Variants in NCK2 observed in about 807,000 individuals in gnomAD.
NCK2 encodes the protein NCK adaptor protein 2, also known as cytoplasmic protein NCK2.
A neutral mutation model predicts 33.9 loss-of-function variants in NCK2; 16 were observed. The observed-to-expected ratio is 0.47, with a 90% CI of 0.32 to 0.72. The LOEUF (loss-of-function observed/expected upper bound fraction) is 0.72. Among genes scored for constraint, NCK2 ranks in the 30% least tolerant of loss-of-function variants. NCK2 has a pLI of 0.03. For synonymous variants in NCK2, 273 were observed against 239.9 expected (o/e 1.14, Z -1.27); for missense variants, 418 against 537.3 (o/e 0.78, Z 2.19).
chr2:105,801,370 C>T (rs929700239), intron 1 of NCK2, among the ~76,000 whole-genome samples: 8 of 152,152 alleles, frequency 5.3e-5, no homozygotes, highest in African/African-American at 1.7e-4. Context: ...TCCCCCCTTC[C>T]CCATGTCATC....
chr2:105,868,679 A>G (rs1359702147), intron 3 of NCK2, among the ~76,000 whole-genome samples: 1 of 152,158 alleles, frequency 6.6e-6, no homozygotes, highest in Non-Finnish European at 1.5e-5. Flanking sequence ...GTCCAAGAGG[A>G]CCACTTGATC....
chr2:105,807,602 G>C (rs780611626), intron 1 of NCK2, among the ~76,000 whole-genome samples: 2 of 152,126 alleles, frequency 1.3e-5, no homozygotes, highest in Non-Finnish European at 2.9e-5. Flanking sequence ...GCCTCTTGGA[G>C]TTGGAGTCAC....
chr2:105,855,286 C>T lies in NCK2; in HGVS notation c.223C>T (p.Leu75=). The stretch of plus-strand genomic sequence containing the variant: ...CCTCGTGAAGAACCTGAAGGACACA[C>T]TAGGTGAGTGTTTCACCCTCGAGAG... ...GSLVKNLKDT[L]GLGKTRRKTS... The change falls in exon 3 of 5, where the codon CTA becomes TTA. Residue 75 remains leucine, a synonymous_variant. Transcript: ENST00000233154. 6.3e-7 allele frequency: 1 copy of T among 1,595,280 alleles called. No homozygotes were observed. Among genetic ancestry groups the T allele is most frequent in the Non-Finnish European group, 8.6e-7 (1 of 1,168,486 alleles).
intron 2 of NCK2, among the ~76,000 whole-genome samples, chr2:105,830,572 C>T (rs149325301): frequency 0.013 from 1,905 of 151,958 alleles, 40 homozygotes; most frequent in African/African-American, 0.043. Context: ...ATACTCATTT[C>T]CTTTTCTGTG....
At chr2:105,857,813 T>C (rs1677342563) in intron 3 of NCK2, among the ~76,000 whole-genome samples, 1 of 152,200 alleles carries the variant, frequency 6.6e-6, no homozygotes, top group Non-Finnish European at 1.5e-5. Flanking sequence ...CAAAGGGATG[T>C]TGTTATCTCA....
intron 2 of NCK2, among the ~76,000 whole-genome samples, chr2:105,842,093 CT>C (rs1189979300): frequency 4.7e-4 from 69 of 145,624 alleles, no homozygotes; most frequent in Admixed American, 4.8e-4. Flanking sequence ...GGGTTTTTTT[CT>C]TTTTTTTTTT....
In NCK2 at chr2:105,892,986, G is replaced by A. The variant is rs577283510; in HGVS notation, c.953G>A (p.Ser318Asn). 3 of 1,605,944 alleles carry A rather than the reference G, an allele frequency of 1.9e-6. No individual in the cohort carries two copies. Among genetic ancestry groups the A allele is most frequent in the African/African-American group, 2.7e-5 (2 of 74,898 alleles). Residue 318 changes from serine (S) to asparagine (N), a missense_variant, in exon 5 of 5, where the codon AGC becomes AAC. Transcript: ENST00000233154. ...FLIRDSESSP[S>N]DFSVSLKASG... ...TGTGTTCTGTTTCCTCCCCAGCCCA[G>A]CGACTTCTCCGTGTCCCTTAAAGCG...
chr2:105,892,941 C>T (rs752670557), intron 4 of NCK2, 41 bp from the exon 5 acceptor site: 10 of 1,547,434 alleles, frequency 6.5e-6, no homozygotes, highest in African/African-American at 2.7e-5. Context: ...CACAGCTCCC[C>T]GCTGTGGCCC....
intron 3 of NCK2, 52 bp from the exon 4 acceptor site, chr2:105,881,276 T>C (rs1678465072): frequency 2.0e-6 from 3 of 1,534,214 alleles, no homozygotes; most frequent in Non-Finnish European, 2.6e-6. Context: ...GGCTAGGGAG[T>C]GTGGTGGTGC....
chr2:105,837,197 T>C (rs1676466668), intron 2 of NCK2, among the ~76,000 whole-genome samples: 1 of 152,208 alleles, frequency 6.6e-6, no homozygotes, highest in Non-Finnish European at 1.5e-5. Context: ...TATCTATTGT[T>C]TTAGTTCTTT....
At chr2:105,805,243 T>C (rs1674989040) in intron 1 of NCK2, among the ~76,000 whole-genome samples, 1 of 152,118 alleles carries the variant, frequency 6.6e-6, no homozygotes, top group South Asian at 2.1e-4. Context: ...GAAGCTGAGG[T>C]GCAAAGATGT....
chr2:105,835,405 A>ATGTG (rs70953537), intron 2 of NCK2, among the ~76,000 whole-genome samples: 1 of 37,984 alleles, frequency 2.6e-5, no homozygotes, highest in Non-Finnish European at 6.8e-5. Flanking sequence ...ATATATATAT[A>ATGTG]CGTGTATATA....
At chr2:105,877,992 T>C (rs545937688) in intron 3 of NCK2, among the ~76,000 whole-genome samples, 1 of 152,358 alleles carries the variant, frequency 6.6e-6, no homozygotes, top group Admixed American at 6.5e-5. Flanking sequence ...CTCTTGAATT[T>C]CACTGCACCA....
At chr2:105,836,199 T>A in intron 2 of NCK2, among the ~76,000 whole-genome samples, 1 of 151,514 alleles carries the variant, frequency 6.6e-6, no homozygotes, top group Non-Finnish European at 1.5e-5. Flanking sequence ...GTTTCTTGTA[T>A]CTGTACGTTG....
At chr2:105,791,219 T>A (rs1409028190) in intron 1 of NCK2, among the ~76,000 whole-genome samples, 1 of 152,206 alleles carries the variant, frequency 6.6e-6, no homozygotes, top group Non-Finnish European at 1.5e-5. Context: ...AGGATTTAAA[T>A]TCTAGTAATT....
Position 105,881,783 on chromosome 2 carries a change from C to G in NCK2, c.682C>G (p.Pro228Ala). ...GGAGACCATGGAGGTGATTGAGAAG[C>G]CGGAGAACGACCCCGAGTGGTGGAA... ...KGETMEVIEK[P>A]ENDPEWWKCK... Residue 228 changes from proline (P) to alanine (A), a missense_variant, in exon 4 of 5, where the codon CCG (proline) becomes GCG (alanine). Pro to Ala is a conservative substitution (Grantham distance 27). Transcript: ENST00000233154. The G allele has an allele frequency of 6.2e-7, 1 of 1,613,756 alleles. No individual in the cohort carries two copies. The highest frequency in any genetic ancestry group is 8.5e-7 in the Non-Finnish European group (1 of 1,179,836).
intron 3 of NCK2, among the ~76,000 whole-genome samples, chr2:105,877,516 AC>A (rs1417084943): frequency 6.6e-6 from 1 of 152,104 alleles, no homozygotes; most frequent in Non-Finnish European, 1.5e-5. Context: ...CACTGGTATT[AC>A]ACTTCTTATC....
chr2:105,752,527 G>T (rs1452625770), intron 1 of NCK2, among the ~76,000 whole-genome samples: 1 of 152,100 alleles, frequency 6.6e-6, no homozygotes, highest in Non-Finnish European at 1.5e-5. Flanking sequence ...AATGTGTTCA[G>T]CACCATAGGA....
At chr2:105,851,132 G>T (rs1677048316) in intron 2 of NCK2, among the ~76,000 whole-genome samples, 1 of 152,198 alleles carries the variant, frequency 6.6e-6, no homozygotes. Flanking sequence ...AGCCCAGCCC[G>T]GCTGTGTAAA....
Sources: allele counts gnomAD v4.1 joint callset (sites outside exome capture counted in the v4.1 genomes callset), GRCh38; gene constraint gnomAD v4.1.1; transcripts MANE v1.5; gene names NCBI Gene and HGNC (gene_info 2026-07-23, HGNC 2026-07-21).